ARHGAP32: variants seen among roughly 807,000 people sequenced by gnomAD.
ARHGAP32 encodes the protein Rho GTPase activating protein 32.
In ARHGAP32, 51 loss-of-function variants were observed where a neutral mutation model predicts 186.5. The ratio of observed to expected loss-of-function variants is 0.27; its 90% CI spans 0.22 to 0.35. The LOEUF (loss-of-function observed/expected upper bound fraction) is 0.35. ARHGAP32 is among the 10% of genes least tolerant of loss of function. The probability of loss-of-function intolerance (pLI) is 1.00; values close to 1 mark genes in which losing one functional copy is unlikely to be tolerated. For synonymous variants in ARHGAP32, 950 were observed against 964.3 expected, an observed-to-expected ratio of 0.99 and a Z score of 0.27; for missense variants, 2,186 against 2,623.5, an observed-to-expected ratio of 0.83 and a Z score of 3.64.
rs76961646 is a variant in ARHGAP32, at chr11:129,241,859, T to C, written c.-5+37287A>G. Among the ~76,000 whole-genome samples, 147 of 152,286 alleles carry C rather than the reference T, an allele frequency of 9.7e-4. 1 individual carries two copies. In the East Asian group the frequency reaches 0.025, roughly 26 times the overall value. On this transcript the variant is annotated intron_variant, in intron 1 of 6. Transcript: ENST00000525234. ...AATTTTAAAAAGTATTCAGTAATGT[T>C]CAAATAAATTTAGACTGTGTAAATA...
chr11:128,981,666 T>G (rs1406332412), intron 16 of ARHGAP32, 105 bp from the exon 17 acceptor site: 20 of 1,327,144 alleles, frequency 1.5e-5, no homozygotes, highest in Non-Finnish European at 2.0e-5. Flanking sequence ...GAAATCATAC[T>G]TTTACTGTCC....
chr11:129,278,108 G>C (rs1028574271), intron 1 of ARHGAP32, among the ~76,000 whole-genome samples: 5 of 152,118 alleles, frequency 3.3e-5, no homozygotes, highest in African/African-American at 9.7e-5. Flanking sequence ...GTTTACAAAA[G>C]CAACCAATGT....
intron 2 of ARHGAP32, among the ~76,000 whole-genome samples, chr11:129,159,271 T>C (rs1943479066): frequency 6.6e-6 from 1 of 152,130 alleles, no homozygotes; most frequent in Non-Finnish European, 1.5e-5. Context: ...GGAGCTAGTT[T>C]CTTGAAAAGA....
intron 1 of ARHGAP32, among the ~76,000 whole-genome samples, chr11:129,197,350 A>C (rs1414574958): frequency 6.6e-6 from 1 of 152,192 alleles, no homozygotes; most frequent in Non-Finnish European, 1.5e-5. Flanking sequence ...TCACACAGCA[A>C]AACAATAGCA....
chr11:129,236,824 T>G lies in ARHGAP32; in HGVS notation c.-5+42322A>C, dbSNP rs555865250. Among the ~76,000 whole-genome samples, 28 of 152,330 alleles carry G rather than the reference T, an allele frequency of 1.8e-4. No individual in the cohort carries two copies. The South Asian group carries it at 5.8e-3, about 32-fold the overall frequency. The stretch of plus-strand genomic sequence containing the variant: ...GTGAAAGTAGGCATCCCTGTCTTGT[T>G]CCAGTTCTCAGAGGGAATGCTTTCA... On this transcript the variant is annotated intron_variant, in intron 1 of 6. Transcript: ENST00000525234.
intron 8 of ARHGAP32, among the ~76,000 whole-genome samples, chr11:129,064,457 A>G (rs1462340590): frequency 6.6e-6 from 1 of 152,116 alleles, no homozygotes; most frequent in Admixed American, 6.6e-5. Flanking sequence ...TATTTACTGA[A>G]TAATGTTTCA....
At chr11:129,199,285 C>A (rs1944430491) in intron 1 of ARHGAP32, among the ~76,000 whole-genome samples, 2 of 152,206 alleles carry the variant, frequency 1.3e-5, no homozygotes, top group Non-Finnish European at 2.9e-5. Flanking sequence ...TAACAAGGAG[C>A]CTAATGTTAA....
At chr11:128,983,932 C>A (rs188294218) in intron 15 of ARHGAP32, among the ~76,000 whole-genome samples, 121 of 152,270 alleles carry the variant, frequency 7.9e-4, no homozygotes, top group East Asian at 1.2e-3. Flanking sequence ...TAAAACTTCG[C>A]AACCTGGAAC....
chr11:129,061,817 G>A (rs917119039), intron 10 of ARHGAP32, among the ~76,000 whole-genome samples: 77 of 152,328 alleles, frequency 5.1e-4, no homozygotes, highest in African/African-American at 1.8e-3. Flanking sequence ...CCGTAGATAA[G>A]GGACTACTGA....
At chr11:129,178,045 A>C (rs1489521082) in intron 1 of ARHGAP32, among the ~76,000 whole-genome samples, 1 of 150,470 alleles carries the variant, frequency 6.6e-6, no homozygotes, top group Non-Finnish European at 1.5e-5. Context: ...AGAAAACCCC[A>C]TTGTCTCAGC....
chr11:129,188,650 G>C (rs1368979125), intron 1 of ARHGAP32, among the ~76,000 whole-genome samples: 2 of 152,190 alleles, frequency 1.3e-5, no homozygotes, highest in African/African-American at 2.4e-5. Context: ...TCAAGTGCAT[G>C]AAGTATCATT....
intron 6 of ARHGAP32, among the ~76,000 whole-genome samples, chr11:129,086,680 G>A (rs1490660817): frequency 1.3e-5 from 2 of 152,052 alleles, no homozygotes; most frequent in Non-Finnish European, 1.5e-5. Context: ...AATTAGCCGG[G>A]CGTGGTGGTG....
intron 18 of ARHGAP32, among the ~76,000 whole-genome samples, chr11:128,980,108 T>C (rs1245021284): frequency 1.3e-5 from 2 of 152,238 alleles, no homozygotes; most frequent in Non-Finnish European, 1.5e-5. Flanking sequence ...CAGGTGATGC[T>C]GATGCTGTTG....
At chr11:129,249,529 G>C (rs1237034083) in intron 1 of ARHGAP32, among the ~76,000 whole-genome samples, 2 of 152,098 alleles carry the variant, frequency 1.3e-5, no homozygotes, top group African/African-American at 4.8e-5. Flanking sequence ...CACTGCTGCT[G>C]ACTCACTGTT....
chr11:129,277,129 T>C (rs989584270), intron 1 of ARHGAP32, among the ~76,000 whole-genome samples: 1 of 152,142 alleles, frequency 6.6e-6, no homozygotes, highest in Non-Finnish European at 1.5e-5. Flanking sequence ...ACGATCAACA[T>C]ACAGTGTGCA....
At chr11:129,009,047 A>C (rs964184148) in intron 11 of ARHGAP32, among the ~76,000 whole-genome samples, 2 of 152,212 alleles carry the variant, frequency 1.3e-5, no homozygotes, top group Non-Finnish European at 2.9e-5. Context: ...GCAGAAAACT[A>C]ATAAGTTTGG....
chr11:129,022,971 A>G (rs924842832), intron 11 of ARHGAP32, among the ~76,000 whole-genome samples: 8 of 152,200 alleles, frequency 5.3e-5, no homozygotes, highest in Non-Finnish European at 1.2e-4. Context: ...TAAAAAGCTG[A>G]CTATGAAAAT....
intron 1 of ARHGAP32, among the ~76,000 whole-genome samples, chr11:129,199,896 G>A (rs558146070): frequency 6.6e-6 from 1 of 152,272 alleles, no homozygotes; most frequent in South Asian, 2.1e-4. Flanking sequence ...ACCCTGCAAA[G>A]CTAAAGGGGC....
chr11:129,143,662 C>T (rs1943110837), intron 2 of ARHGAP32, among the ~76,000 whole-genome samples: 1 of 116,458 alleles, frequency 8.6e-6, no homozygotes, highest in South Asian at 2.7e-4. Flanking sequence ...ATGGATATGA[C>T]AAAGAGGAGC....
Sources: gnomAD v4.1 joint callset for allele counts (sites outside exome capture counted in the v4.1 genomes callset) on GRCh38, gnomAD v4.1.1 for gene constraint, MANE v1.5 for transcripts, NCBI Gene and HGNC (gene_info 2026-07-23, HGNC 2026-07-21) for gene names.